Variants in ARHGAP28 observed in about 807,000 individuals in gnomAD.
ARHGAP28 encodes Rho GTPase activating protein 28.
ARHGAP28 carries 56 observed loss-of-function variants against 90.7 expected under a neutral mutation model. That is an observed-to-expected ratio of 0.62 (90% CI 0.50 to 0.77). The LOEUF is 0.77. Ranked by LOEUF, ARHGAP28 falls within the 30% of genes least tolerant of loss-of-function variation. The probability of loss-of-function intolerance (pLI) is 0.00; values close to 1 mark genes in which losing one functional copy is unlikely to be tolerated. For synonymous variants in ARHGAP28, 308 were observed against 323.3 expected (o/e 0.95, Z 0.51); for missense variants, 869 against 900.9 (o/e 0.96, Z 0.45).
At chr18:6,909,753 G>T (rs1432482367) in intron 17 of ARHGAP28, among the ~76,000 whole-genome samples, 1 of 151,962 alleles carries the variant, frequency 6.6e-6, no homozygotes, top group African/African-American at 2.4e-5. Context: ...TTCCCTGGGG[G>T]AGCAGGGGAG....
intron 4 of ARHGAP28, among the ~76,000 whole-genome samples, chr18:6,857,737 C>G (rs1215462181): frequency 6.6e-6 from 1 of 152,224 alleles, no homozygotes; most frequent in Non-Finnish European, 1.5e-5. Context: ...TTCTGCAAGG[C>G]AGAAGCTGTC....
chr18:6,876,489 T>C (rs556387085), intron 10 of ARHGAP28, among the ~76,000 whole-genome samples: 8 of 152,266 alleles, frequency 5.3e-5, no homozygotes, highest in Middle Eastern at 6.8e-3. Flanking sequence ...TTGGAAAAAA[T>C]GAAATAGCAC....
chr18:6,877,039 A>G (rs1012476643), intron 10 of ARHGAP28, among the ~76,000 whole-genome samples: 2 of 152,232 alleles, frequency 1.3e-5, no homozygotes, highest in South Asian at 4.1e-4. Flanking sequence ...ATCCCTGAGC[A>G]AACAGTCTCA....
At chr18:6,736,241 T>C (rs9951040) in intron 1 of ARHGAP28, among the ~76,000 whole-genome samples, 147,704 of 152,198 alleles carry the variant, frequency 0.97, 71,841 homozygotes, top group Middle Eastern at 1. Context: ...TTTGTTTTTA[T>C]CTCATTAGCT....
At chr18:6,734,711 T>TA (rs2055911201) in intron 1 of ARHGAP28, among the ~76,000 whole-genome samples, 1 of 152,218 alleles carries the variant, frequency 6.6e-6, no homozygotes, top group Admixed American at 6.5e-5. Flanking sequence ...TGCTAACTCT[T>TA]ACTAAGCATT....
At chr18:6,839,542 C>T (rs2056786141) in intron 3 of ARHGAP28, among the ~76,000 whole-genome samples, 1 of 152,152 alleles carries the variant, frequency 6.6e-6, no homozygotes, top group Non-Finnish European at 1.5e-5. Flanking sequence ...CGTGATCCGC[C>T]TGCCTCGGCC....
intron 16 of ARHGAP28, among the ~76,000 whole-genome samples, chr18:6,905,226 A>G (rs1210148192): frequency 6.6e-6 from 1 of 152,150 alleles, no homozygotes. Context: ...CCATAAACCA[A>G]CTGGGATTTT....
chr18:6,854,098 C>T (rs750426266), intron 4 of ARHGAP28, among the ~76,000 whole-genome samples: 7 of 151,690 alleles, frequency 4.6e-5, no homozygotes, highest in Non-Finnish European at 8.8e-5. Flanking sequence ...AGATTGGTCT[C>T]GGGGGGGTTA....
At chr18:6,793,498 A>C (rs2056420351) in intron 1 of ARHGAP28, among the ~76,000 whole-genome samples, 1 of 152,154 alleles carries the variant, frequency 6.6e-6, no homozygotes, top group Non-Finnish European at 1.5e-5. Context: ...AAGAGAGTTA[A>C]ATTTACGGCT....
At chr18:6,732,797 T>C (rs1382174659) in intron 1 of ARHGAP28, among the ~76,000 whole-genome samples, 2 of 152,210 alleles carry the variant, frequency 1.3e-5, no homozygotes, top group Admixed American at 6.5e-5. Context: ...CTTGGGCAAT[T>C]TACTTCCGCT....
chr18:6,796,764 C>T (rs2056444781), intron 1 of ARHGAP28, among the ~76,000 whole-genome samples: 1 of 152,184 alleles, frequency 6.6e-6, no homozygotes, highest in Admixed American at 6.5e-5. Flanking sequence ...TTTAAAGGAG[C>T]AAGTTTCCCT....
At chr18:6,782,584 A>ATTTT (rs1567945676) in intron 1 of ARHGAP28, among the ~76,000 whole-genome samples, 11 of 71,302 alleles carry the variant, frequency 1.5e-4, no homozygotes, top group African/African-American at 4.8e-4. Flanking sequence ...CGCCCAGCTA[A>ATTTT]TTTTTGTATT....
In ARHGAP28 at chr18:6,824,626, C is replaced by T. The variant is rs144939626; in HGVS notation, c.123-136C>T. 2,180 of 730,226 alleles carry T rather than the reference C, an allele frequency of 3.0e-3. 50 individuals carry two copies. The African/African-American group carries it at 0.035, about 12-fold the overall frequency. The allele number at this position is 730,226 out of a possible 1,614,324, so 45.2% of individuals were successfully genotyped here. On this transcript the variant is annotated intron_variant, in intron 1 of 17. Transcript: ENST00000383472. ...ACTGAGTGGAGATTATTCCCTCAAA[C>T]CTATCTCAACCATGGTTACTCCACT...
chr18:6,897,487 A>G (rs991970161), intron 16 of ARHGAP28: 1 of 152,196 alleles, frequency 6.6e-6, no homozygotes, highest in Admixed American at 6.5e-5. Flanking sequence ...TTTTGTCTGG[A>G]CATGCTTACT....
intron 4 of ARHGAP28, among the ~76,000 whole-genome samples, chr18:6,858,855 CTTAT>C (rs2056974829): frequency 7.0e-6 from 1 of 143,806 alleles, no homozygotes; most frequent in African/African-American, 2.7e-5. Flanking sequence ...GTTCTTGTTT[CTTAT>C]TTGTTTCTTT....
chr18:6,826,122 T>TG (rs1345603117), intron 2 of ARHGAP28, among the ~76,000 whole-genome samples: 2 of 151,568 alleles, frequency 1.3e-5, no homozygotes, highest in Non-Finnish European at 2.9e-5. Flanking sequence ...CCAGTGTTTT[T>TG]TTTTTTTTTT....
intron 1 of ARHGAP28, among the ~76,000 whole-genome samples, chr18:6,795,929 T>C (rs1419610315): frequency 2.0e-5 from 3 of 152,206 alleles, no homozygotes; most frequent in African/African-American, 7.2e-5. Context: ...GATCCTTGCA[T>C]TTCATGTGTA....
At chr18:6,773,955 A>G (rs2056263499) in intron 1 of ARHGAP28, 2 of 152,164 alleles carry the variant, frequency 1.3e-5, no homozygotes, top group African/African-American at 2.4e-5. Flanking sequence ...TCCAGGCAGC[A>G]TTTGTCCCAC....
chr18:6,745,619 T>C (rs2056016615), intron 1 of ARHGAP28, among the ~76,000 whole-genome samples: 1 of 152,218 alleles, frequency 6.6e-6, no homozygotes, highest in Non-Finnish European at 1.5e-5. Flanking sequence ...ATTTTCTTCA[T>C]GCACTTTGTT....
Sources: allele counts gnomAD v4.1 joint callset (sites outside exome capture counted in the v4.1 genomes callset), GRCh38; gene constraint gnomAD v4.1.1; transcripts MANE v1.5; gene names NCBI Gene and HGNC (gene_info 2026-07-23, HGNC 2026-07-21).